CDK11B: variants seen among roughly 807,000 people sequenced by gnomAD.
CDK11B encodes cyclin-dependent kinase 11B.
In CDK11B, 37 loss-of-function variants were observed where a neutral mutation model predicts 84.0. The observed-to-expected ratio is 0.44, with a 90% CI of 0.34 to 0.58. The LOEUF (loss-of-function observed/expected upper bound fraction) is 0.58, where lower values mean the gene tolerates loss of function less well. Ranked by LOEUF, CDK11B falls within the 20% of genes least tolerant of loss-of-function variation. CDK11B has a pLI of 0.02. For synonymous variants in CDK11B, 269 were observed against 309.8 expected, an observed-to-expected ratio of 0.87 and a Z score of 1.38; for missense variants, 427 against 834.0, an observed-to-expected ratio of 0.51 and a Z score of 6.01.
At chr1:1,657,341 T>G in intron 2 of CDK11B, 34 bp downstream of exon 2, 1 of 1,613,648 alleles carries the variant, frequency 6.2e-7, no homozygotes, top group South Asian at 1.1e-5. Context: ...AAATCTCCTT[T>G]AAGAAAACCA....
chr1:1,637,871 G>A lies in CDK11B; in HGVS notation c.1355C>T (p.Ala452Val). 6.2e-7 allele frequency: 1 copy of A among 1,613,626 alleles called. No homozygotes were observed. The highest frequency in any genetic ancestry group is 8.5e-7 in the Non-Finnish European group (1 of 1,179,644). The stretch of plus-strand genomic sequence containing the variant: ...CTTCTCCATCTTCAGCCGCTTTAGA[G>A]CCACAATTTCATCTGTGAAGAAAAT... Reference protein sequence around the residue: ...AKDKKTDEIVALKRLKMEKEK... With the variant: ...AKDKKTDEIVVLKRLKMEKEK... Residue 452 changes from alanine to valine, a missense_variant, in exon 13 of 20, where the codon GCT (alanine) becomes GTT (valine). Transcript: ENST00000341832.
intron 1 of CDK11B, among the ~76,000 whole-genome samples, chr1:1,658,105 C>A (rs1278929020): frequency 6.9e-6 from 1 of 145,102 alleles, no homozygotes; most frequent in Non-Finnish European, 1.5e-5. Flanking sequence ...ATCCGAAAGG[C>A]GGAGGTTCCG....
chr1:1,654,375 C>T (rs1386304721), intron 3 of CDK11B, among the ~76,000 whole-genome samples: 1 of 152,156 alleles, frequency 6.6e-6, no homozygotes, highest in Non-Finnish European at 1.5e-5. Flanking sequence ...AGAAGCTAGG[C>T]CCTGAAAACC....
intron 3 of CDK11B, among the ~76,000 whole-genome samples, chr1:1,654,957 CT>C (rs1025924824): frequency 1.3e-5 from 2 of 152,098 alleles, no homozygotes; most frequent in Non-Finnish European, 1.5e-5. Context: ...CGCGCCCGGC[CT>C]TTTTTTCCTT....
intron 3 of CDK11B, 97 bp downstream of exon 3, chr1:1,655,272 G>C: frequency 2.1e-6 from 3 of 1,431,742 alleles, no homozygotes; most frequent in South Asian, 2.9e-5. Flanking sequence ...AACCTTAATA[G>C]TTACAACAGC....
At chr1:1,649,163 G>A (rs1398229828) in intron 5 of CDK11B, among the ~76,000 whole-genome samples, 1 of 152,078 alleles carries the variant, frequency 6.6e-6, no homozygotes, top group East Asian at 1.9e-4. Context: ...GCAGTGGCGG[G>A]ATCTCAGCTC....
intron 4 of CDK11B, among the ~76,000 whole-genome samples, chr1:1,650,426 C>T (rs1240204882): frequency 1.2e-4 from 16 of 137,624 alleles, no homozygotes; most frequent in East Asian, 4.4e-4. Context: ...AGTGCAGTGG[C>T]GCAATCTCGG....
At chr1:1,637,554 C>T (rs527238552) in intron 13 of CDK11B, 41 bp from the exon 14 acceptor site, 53 of 1,608,768 alleles carry the variant, frequency 3.3e-5, no homozygotes, top group Admixed American at 5.1e-5. Flanking sequence ...ACCTCCAGGC[C>T]CCCACCCACC....
At chr1:1,650,268 C>CAAAAAAAAAAAAAAACAAAAAA (rs1641791107) in intron 4 of CDK11B, among the ~76,000 whole-genome samples, 1 of 45,814 alleles carries the variant, frequency 2.2e-5, no homozygotes, top group Non-Finnish European at 4.3e-5. Context: ...GACTCCGTCC[C>CAAAAAAAAAAAAAAACAAAAAA]AAAAAAAAAA....
At position 1,653,732 on chromosome 1, in the gene CDK11B, C is replaced by T. The variant is rs1642317731; in HGVS notation, c.228-1166G>A. ...GGTGCAGTGGCTCACGCCAGTAATCCCAGCACTTTGGGAGGCTGAGGCAAG... is the reference window on the plus strand; with the variant it reads ...GGTGCAGTGGCTCACGCCAGTAATCTCAGCACTTTGGGAGGCTGAGGCAAG... On this transcript the variant is annotated intron_variant, in intron 3 of 19. Coordinates refer to ENST00000341832, the MANE Select transcript of CDK11B (RefSeq NM_033486.3). 2.0e-5 allele frequency among the ~76,000 whole-genome samples: 3 copies of T among 151,628 alleles called. No homozygotes were observed. In the South Asian group the frequency reaches 6.3e-4, roughly 32 times the overall value.
At chr1:1,649,045 C>T (rs1437029015) in intron 5 of CDK11B, among the ~76,000 whole-genome samples, 2 of 152,198 alleles carry the variant, frequency 1.3e-5, no homozygotes, top group Non-Finnish European at 2.9e-5. Flanking sequence ...CTTGGTCAGC[C>T]TCGTCCAGCG....
intron 4 of CDK11B, among the ~76,000 whole-genome samples, chr1:1,651,979 T>C (rs1445364109): frequency 4.6e-4 from 70 of 151,904 alleles, no homozygotes; most frequent in Non-Finnish European, 8.5e-4. Flanking sequence ...ATAGCCCTTC[T>C]GAATGGTCTG....
At chr1:1,636,298 C>T (rs566130866) in intron 18 of CDK11B, 35 bp downstream of exon 18, 24 of 1,538,194 alleles carry the variant, frequency 1.6e-5, no homozygotes, top group Admixed American at 1.2e-4. Context: ...CGCTATGGCT[C>T]GGGACCTCCC....
chr1:1,645,948 C>T (rs1215171884), intron 5 of CDK11B: 1 of 370,452 alleles, frequency 2.7e-6, no homozygotes, highest in Non-Finnish European at 5.3e-6. Flanking sequence ...AAGTGATTCT[C>T]ATACCTGAGC....
intron 3 of CDK11B, among the ~76,000 whole-genome samples, chr1:1,654,314 CCA>C (rs1320662426): frequency 6.6e-6 from 1 of 152,180 alleles, no homozygotes; most frequent in Non-Finnish European, 1.5e-5. Context: ...CTCTGTTACC[CCA>C]GTCTCATCCA....
chr1:1,655,584 A>G, intron 2 of CDK11B, 100 bp from the exon 3 acceptor site: 1 of 1,440,960 alleles, frequency 6.9e-7, no homozygotes, highest in Admixed American at 2.5e-5. Context: ...CAACATCCCA[A>G]AACAAACTTT....
intron 9 of CDK11B, 23 bp from the exon 10 acceptor site, chr1:1,641,136 G>T: frequency 6.5e-7 from 1 of 1,535,710 alleles, no homozygotes. Flanking sequence ...GGAGGCGTCT[G>T]CTCAGACCAG....
rs766791260 is a variant in CDK11B at position 1,637,043 on chromosome 1, A to G, written c.1692+38T>C. On this transcript the variant is annotated intron_variant, in intron 15 of 19. Coordinates refer to ENST00000341832, the MANE Select transcript of CDK11B (RefSeq NM_033486.3). ...TGGGCGGCTGTGAGTGGGCCCCGGC[A>G]GGTCTCCCTGGGATGGGCCACTCGG... The G allele has an allele frequency of 3.4e-3, 5,401 of 1,601,252 alleles. 65 individuals carry two copies. The highest frequency in any genetic ancestry group is 4.1e-3 in the Non-Finnish European group (4,801 of 1,168,390).
chr1:1,636,242 C>G, intron 18 of CDK11B, 91 bp downstream of exon 18: 2 of 1,314,384 alleles, frequency 1.5e-6, no homozygotes, highest in Non-Finnish European at 2.1e-6. Context: ...CAGAGCAGTT[C>G]TGGAACGTGG....
Sources: gnomAD v4.1 joint callset for allele counts (sites outside exome capture counted in the v4.1 genomes callset) on GRCh38, gnomAD v4.1.1 for gene constraint, MANE v1.5 for transcripts, NCBI Gene and HGNC (gene_info 2026-07-23, HGNC 2026-07-21) for gene names.